The following ARID1B variants were observed in gnomAD, a reference collection of about 807,000 sequenced individuals.
The protein encoded by ARID1B is AT-rich interactive domain-containing protein 1B.
Under a neutral mutation model 212.3 loss-of-function variants are expected in ARID1B, and 30 were observed. The ratio of observed to expected loss-of-function variants is 0.14; its 90% CI spans 0.11 to 0.19. ARID1B has a LOEUF of 0.19. Among genes scored for constraint, ARID1B ranks in the 10% least tolerant of loss-of-function variants. ARID1B has a pLI of 1.00. For missense variants in ARID1B, 2,891 were observed against 3,204.0 expected (o/e 0.90, Z 2.36); for synonymous variants, 1,402 against 1,301.7 (o/e 1.08, Z -1.66).
intron 11 of ARID1B, among the ~76,000 whole-genome samples, chr6:157,180,300 A>T (rs1016473632): frequency 2.6e-5 from 4 of 151,180 alleles, no homozygotes; most frequent in African/African-American, 9.8e-5. Context: ...ATATAAATAC[A>T]TGGGCATAAA....
intron 4 of ARID1B, among the ~76,000 whole-genome samples, chr6:157,027,330 TAATC>T (rs1044628682): frequency 1.3e-5 from 2 of 152,268 alleles, no homozygotes; most frequent in African/African-American, 2.4e-5. Context: ...TCCAATTTGA[TAATC>T]AAAATAATAC....
intron 2 of ARID1B, among the ~76,000 whole-genome samples, chr6:156,870,715 A>T (rs1786058464): frequency 6.6e-6 from 1 of 150,560 alleles, no homozygotes; most frequent in Non-Finnish European, 1.5e-5. Context: ...AGCAATGCTT[A>T]AAATGGTAGT....
rs1191781019 is a variant in ARID1B at position 157,190,335 on chromosome 6, G to A, written c.4231+125G>A. The A allele has an allele frequency of 1.7e-6, 2 of 1,176,856 alleles. No homozygotes were observed. Among genetic ancestry groups the A allele is most frequent in the Non-Finnish European group, 2.3e-6 (2 of 863,774 alleles). 72.9% of individuals were successfully genotyped at this position (1,176,856 alleles called of 1,614,324 possible). ...CATGCTGCATCGGTGTGGGTCCCAG[G>A]TCCCCATCCTACTCCACTTGTGGCC... On this transcript the variant is annotated intron_variant, in intron 15 of 19. Coordinates refer to ENST00000636930, the MANE Select transcript of ARID1B (RefSeq NM_001374828.1). This position sits in a 1 kb window ranked among gnomAD's most constrained non-coding sequence, Gnocchi z 4.6.
chr6:156,861,311 CTA>C (rs1265874181), intron 2 of ARID1B, among the ~76,000 whole-genome samples: 1 of 152,152 alleles, frequency 6.6e-6, no homozygotes, highest in African/African-American at 2.4e-5. Context: ...GGTTAAGAAA[CTA>C]GACCAGGCCA....
intron 2 of ARID1B, among the ~76,000 whole-genome samples, chr6:156,875,321 T>C (rs900202028): frequency 2.4e-4 from 36 of 152,368 alleles, no homozygotes; most frequent in African/African-American, 8.2e-4. Flanking sequence ...AATCACTCAT[T>C]TGAGTACCAT....
At chr6:156,969,738 T>G (rs549556239) in intron 4 of ARID1B, among the ~76,000 whole-genome samples, 1 of 152,324 alleles carries the variant, frequency 6.6e-6, no homozygotes, top group East Asian at 1.9e-4. Flanking sequence ...CCAGGGGAAC[T>G]TAGACTCTGG....
At chr6:157,170,752 C>T (rs1791663093) in intron 9 of ARID1B, among the ~76,000 whole-genome samples, 1 of 152,080 alleles carries the variant, frequency 6.6e-6, no homozygotes, top group South Asian at 2.1e-4. Context: ...CTCGCTGGCC[C>T]CACTCTGTGC....
intron 12 of ARID1B, among the ~76,000 whole-genome samples, chr6:157,182,766 G>A (rs1792657564): frequency 6.6e-6 from 1 of 152,148 alleles, no homozygotes; most frequent in South Asian, 2.1e-4. Flanking sequence ...GTGAGTGATG[G>A]TCAGCAAAGA....
At chr6:157,189,154 C>T (rs1793181657) in intron 13 of ARID1B, among the ~76,000 whole-genome samples, 1 of 152,220 alleles carries the variant, frequency 6.6e-6, no homozygotes, top group Admixed American at 6.5e-5. Flanking sequence ...TTAAACATTT[C>T]ACATTGTCTA....
intron 4 of ARID1B, among the ~76,000 whole-genome samples, chr6:156,986,678 CTATT>C (rs1410285171): frequency 6.6e-6 from 1 of 152,092 alleles, no homozygotes; most frequent in African/African-American, 2.4e-5. Flanking sequence ...GTTGCTATGA[CTATT>C]ATTATTAAAG....
chr6:157,026,808 G>A (rs189765842), intron 4 of ARID1B, among the ~76,000 whole-genome samples: 23 of 152,112 alleles, frequency 1.5e-4, no homozygotes, highest in Non-Finnish European at 2.5e-4. Flanking sequence ...GTGCCACTGC[G>A]CCTGGCTATT....
chr6:156,781,589 A>C (rs2115047077), intron 1 of ARID1B, among the ~76,000 whole-genome samples: 1 of 152,204 alleles, frequency 6.6e-6, no homozygotes, highest in Middle Eastern at 3.4e-3. Flanking sequence ...AATCTTGTGA[A>C]TCCTAGGCTG....
intron 2 of ARID1B, among the ~76,000 whole-genome samples, chr6:156,831,709 A>G (rs181122109): frequency 1.5e-3 from 232 of 152,350 alleles, no homozygotes; most frequent in Non-Finnish European, 2.4e-3. Context: ...TTTTAAATCC[A>G]ATGACTCTTA....
intron 4 of ARID1B, among the ~76,000 whole-genome samples, chr6:156,999,373 A>G (rs2128424009): frequency 6.6e-6 from 1 of 152,348 alleles, no homozygotes; most frequent in South Asian, 2.1e-4. Flanking sequence ...GTATAAAACG[A>G]AGGTCACAAT....
At chr6:157,082,804 T>C (rs1256361571) in intron 4 of ARID1B, among the ~76,000 whole-genome samples, 2 of 152,234 alleles carry the variant, frequency 1.3e-5, no homozygotes, top group African/African-American at 4.8e-5. Flanking sequence ...AGCACAGTCA[T>C]TGGACATTGA....
At chr6:156,789,733 C>CT (rs1443842539) in intron 1 of ARID1B, among the ~76,000 whole-genome samples, 2 of 152,162 alleles carry the variant, frequency 1.3e-5, no homozygotes, top group African/African-American at 4.8e-5. Flanking sequence ...TTAGAGAGCA[C>CT]TGGAAGATTA....
intron 3 of ARID1B, among the ~76,000 whole-genome samples, chr6:156,931,190 C>CA (rs11309121): frequency 0.027 from 2,407 of 89,184 alleles, 50 homozygotes; most frequent in Non-Finnish European, 0.038. Context: ...GACTCAGTCT[C>CA]AAAAAAAAAA....
intron 4 of ARID1B, among the ~76,000 whole-genome samples, chr6:157,037,251 T>G (rs1781392138): frequency 6.6e-6 from 1 of 152,208 alleles, no homozygotes; most frequent in Non-Finnish European, 1.5e-5. Context: ...TTCATTGATT[T>G]ATTAAACGTC....
intron 4 of ARID1B, among the ~76,000 whole-genome samples, chr6:157,084,143 C>T (rs12208916): frequency 2.2e-5 from 3 of 134,288 alleles, no homozygotes; most frequent in African/African-American, 5.5e-5. Context: ...ACCTCCCCCC[C>T]AAAAAAAAAA....
Sources: gnomAD v4.1 joint callset for allele counts (sites outside exome capture counted in the v4.1 genomes callset) on GRCh38, gnomAD v4.1.1 for gene constraint, Gnocchi (gnomAD v3.1) non-coding constraint, MANE v1.5 for transcripts, NCBI Gene and HGNC (gene_info 2026-07-23, HGNC 2026-07-21) for gene names.